Variants in ANKS1B observed in about 807,000 individuals in gnomAD.
ANKS1B encodes ankyrin repeat and sterile alpha motif domain containing 1B.
In ANKS1B, 36 loss-of-function variants were observed where a neutral mutation model predicts 148.3. That is an observed-to-expected ratio of 0.24 (90% CI 0.19 to 0.32). ANKS1B has a LOEUF of 0.32. Among genes scored for constraint, ANKS1B ranks in the 10% least tolerant of loss-of-function variants. The probability of loss-of-function intolerance (pLI) is 1.00; values close to 1 mark genes in which losing one functional copy is unlikely to be tolerated. For synonymous variants in ANKS1B, 542 were observed against 560.8 expected (o/e 0.97, Z 0.47); for missense variants, 1,157 against 1,542.6 (o/e 0.75, Z 4.19).
chr12:99,608,882 T>C (rs1004690688), intron 9 of ANKS1B, among the ~76,000 whole-genome samples: 8 of 151,682 alleles, frequency 5.3e-5, no homozygotes, highest in South Asian at 2.1e-4. Context: ...AGGGAAGGAG[T>C]TGAAGGCCCA....
At chr12:99,723,351 C>T (rs1001245333) in intron 8 of ANKS1B, among the ~76,000 whole-genome samples, 23 of 152,142 alleles carry the variant, frequency 1.5e-4, no homozygotes, top group African/African-American at 5.3e-4. Context: ...AGGGGTCCCC[C>T]GCAGCACAAC....
intron 17 of ANKS1B, among the ~76,000 whole-genome samples, chr12:98,844,758 G>A (rs1290095384): frequency 2.0e-5 from 3 of 152,124 alleles, no homozygotes; most frequent in African/African-American, 4.8e-5. Flanking sequence ...GAATGCCACA[G>A]GCTCTGCCCC....
At chr12:99,750,946 T>C (rs1395556500) in intron 8 of ANKS1B, among the ~76,000 whole-genome samples, 1 of 152,060 alleles carries the variant, frequency 6.6e-6, no homozygotes, top group Non-Finnish European at 1.5e-5. Flanking sequence ...TTAACTAATA[T>C]AGCTTATGAT....
At position 99,906,056 on chromosome 12, in the gene ANKS1B, G is replaced by A. The variant is rs12318708; in HGVS notation, c.134+78048C>T. ...TTAAACATGAAAGATCTAAACCAGC[G>A]GTTTCAAACACTACTGTTCAACAGA... On this transcript the variant is annotated intron_variant, in intron 1 of 26. Coordinates refer to ENST00000683438, the MANE Select transcript of ANKS1B (RefSeq NM_001352186.2). 3.2e-3 allele frequency among the ~76,000 whole-genome samples: 489 copies of A among 152,216 alleles called. 5 individuals are homozygous for A. The highest frequency in any genetic ancestry group is 0.011 in the African/African-American group (455 of 41,512).
At chr12:98,807,974 C>T in intron 19 of ANKS1B, 56 bp from the exon 20 acceptor site, 3 of 1,362,352 alleles carry the variant, frequency 2.2e-6, no homozygotes. Context: ...TGGCAGCTAC[C>T]AAGGTAGCAT....
chr12:99,142,625 T>C (rs951611604), intron 15 of ANKS1B, among the ~76,000 whole-genome samples: 14 of 152,124 alleles, frequency 9.2e-5, no homozygotes, highest in Non-Finnish European at 1.9e-4. Flanking sequence ...AGATAATACA[T>C]GTGTAAGAGT....
intron 10 of ANKS1B, among the ~76,000 whole-genome samples, chr12:99,499,922 C>A (rs541654373): frequency 6.6e-6 from 1 of 151,792 alleles, no homozygotes; most frequent in Non-Finnish European, 1.5e-5. Flanking sequence ...GCATTAGCAC[C>A]GAGATTGGGC....
chr12:99,048,419 A>G (rs1053073330), intron 17 of ANKS1B, among the ~76,000 whole-genome samples: 1 of 152,080 alleles, frequency 6.6e-6, no homozygotes, highest in African/African-American at 2.4e-5. Flanking sequence ...GTGTTTTACT[A>G]TTTCTGATAT....
chr12:99,711,089 T>C (rs2056570868), intron 8 of ANKS1B, among the ~76,000 whole-genome samples: 1 of 152,094 alleles, frequency 6.6e-6, no homozygotes, highest in African/African-American at 2.4e-5. Flanking sequence ...CTGATTGGAT[T>C]TGTATCTATA....
chr12:99,943,742 T>C (rs1000050011), intron 1 of ANKS1B, among the ~76,000 whole-genome samples: 6 of 151,806 alleles, frequency 4.0e-5, no homozygotes, highest in African/African-American at 1.2e-4. Context: ...CAGTTCAAGA[T>C]TTGGGTGGGG....
intron 8 of ANKS1B, among the ~76,000 whole-genome samples, chr12:99,769,197 T>C (rs2062965998): frequency 6.6e-6 from 1 of 152,154 alleles, no homozygotes; most frequent in Non-Finnish European, 1.5e-5. Context: ...ACCTCAGTTC[T>C]GACTCATCAT....
At chr12:98,944,833 A>G (rs1254748752) in intron 17 of ANKS1B, among the ~76,000 whole-genome samples, 1 of 152,224 alleles carries the variant, frequency 6.6e-6, no homozygotes, top group Non-Finnish European at 1.5e-5. Flanking sequence ...CTAACTGCTC[A>G]TGAGTTATCT....
In ANKS1B at chr12:99,504,456, T is replaced by C. The variant is rs1418430934; in HGVS notation, c.1438+20A>G. On this transcript the variant is annotated intron_variant, in intron 10 of 26. Coordinates refer to ENST00000683438, the MANE Select transcript of ANKS1B (RefSeq NM_001352186.2). ...AAGCAAGTAAATTGAATCAGGCCAA[T>C]TGTGAGTAAGAGATATTACCAGTTC... 6.2e-7 allele frequency: 1 copy of C among 1,606,324 alleles called. No individual in the cohort carries two copies. Among genetic ancestry groups the C allele is most frequent in the African/African-American group, 1.3e-5 (1 of 74,590 alleles).
chr12:99,373,171 C>T (rs1180251123), intron 12 of ANKS1B, among the ~76,000 whole-genome samples: 1 of 152,006 alleles, frequency 6.6e-6, no homozygotes, highest in African/African-American at 2.4e-5. Context: ...GTGAACTTGA[C>T]CACTAGTGAG....
intron 16 of ANKS1B, among the ~76,000 whole-genome samples, chr12:99,076,507 G>C (rs1220942282): frequency 6.6e-6 from 1 of 152,152 alleles, no homozygotes; most frequent in African/African-American, 2.4e-5. Flanking sequence ...ATAAACACCT[G>C]TCTATTGATT....
intron 17 of ANKS1B, among the ~76,000 whole-genome samples, chr12:98,936,307 T>C (rs941731607): frequency 6.6e-6 from 1 of 152,208 alleles, no homozygotes; most frequent in Non-Finnish European, 1.5e-5. Context: ...CAATGCTGTC[T>C]CCATACTGCC....
At chr12:99,837,517 A>G (rs1245398690) in intron 1 of ANKS1B, among the ~76,000 whole-genome samples, 1 of 152,206 alleles carries the variant, frequency 6.6e-6, no homozygotes, top group Non-Finnish European at 1.5e-5. Flanking sequence ...GCTACATACT[A>G]GAAACTATGC....
chr12:99,117,560 G>A (rs2061705730), intron 15 of ANKS1B, among the ~76,000 whole-genome samples: 1 of 152,174 alleles, frequency 6.6e-6, no homozygotes, highest in South Asian at 2.1e-4. Flanking sequence ...TTTGATTGTG[G>A]TGGATAAGCT....
At chr12:99,489,367 T>C (rs1473144967) in intron 10 of ANKS1B, among the ~76,000 whole-genome samples, 1 of 152,184 alleles carries the variant, frequency 6.6e-6, no homozygotes, top group East Asian at 1.9e-4. Context: ...GCAATAAGTA[T>C]GATACGGGGA....
Sources: allele counts gnomAD v4.1 joint callset (sites outside exome capture counted in the v4.1 genomes callset), GRCh38; gene constraint gnomAD v4.1.1; transcripts MANE v1.5; gene names NCBI Gene and HGNC (gene_info 2026-07-23, HGNC 2026-07-21).